Variants in MTHFD1L observed in about 807,000 individuals in gnomAD.
MTHFD1L encodes the protein monofunctional C1-tetrahydrofolate synthase, mitochondrial.
Under a neutral mutation model 119.5 loss-of-function variants are expected in MTHFD1L, and 81 were observed. The observed-to-expected ratio is 0.68, with a 90% confidence interval of 0.57 to 0.82. The LOEUF is 0.82. Ranked by LOEUF, MTHFD1L falls within the 40% of genes least tolerant of loss-of-function variation. The pLI is 0.00. For synonymous variants in MTHFD1L, 430 were observed against 475.2 expected, an observed-to-expected ratio of 0.90 and a Z score of 1.24; for missense variants, 1,125 against 1,253.4, an observed-to-expected ratio of 0.90 and a Z score of 1.55.
At chr6:150,867,955 G>A (rs1778711199) in intron 1 of MTHFD1L, among the ~76,000 whole-genome samples, 1 of 151,780 alleles carries the variant, frequency 6.6e-6, no homozygotes. Flanking sequence ...ACGCCACCAC[G>A]CCCGGCTAAT....
intron 20 of MTHFD1L, among the ~76,000 whole-genome samples, chr6:150,991,512 A>T (rs476576): frequency 0.54 from 81,459 of 152,074 alleles, 23,041 homozygotes; most frequent in African/African-American, 0.7. Flanking sequence ...ACACTTTGTG[A>T]TTTGGCATTC....
At chr6:150,950,777 C>A (rs915322800) in intron 16 of MTHFD1L, among the ~76,000 whole-genome samples, 2 of 152,186 alleles carry the variant, frequency 1.3e-5, no homozygotes, top group Admixed American at 6.5e-5. Context: ...TCAGTCGATT[C>A]TCTTGCCTCA....
intron 7 of MTHFD1L, among the ~76,000 whole-genome samples, chr6:150,890,996 GT>G (rs1783158138): frequency 6.6e-6 from 1 of 152,066 alleles, no homozygotes; most frequent in African/African-American, 2.4e-5. Flanking sequence ...TTGTTTGTTT[GT>G]TTTTTTGAGA....
At chr6:150,984,826 T>C (rs1412324069) in intron 20 of MTHFD1L, among the ~76,000 whole-genome samples, 3 of 152,218 alleles carry the variant, frequency 2.0e-5, no homozygotes, top group Admixed American at 1.3e-4. Context: ...TTAAATTGCA[T>C]TTTGATGCCA....
At chr6:150,922,003 G>T (rs1237857054) in intron 9 of MTHFD1L, among the ~76,000 whole-genome samples, 1 of 152,178 alleles carries the variant, frequency 6.6e-6, no homozygotes, top group African/African-American at 2.4e-5. Flanking sequence ...TATCTAACTA[G>T]TGGTTTTCAC....
At chr6:150,978,657 C>A (rs984952657) in intron 20 of MTHFD1L, among the ~76,000 whole-genome samples, 9 of 152,066 alleles carry the variant, frequency 5.9e-5, no homozygotes, top group Non-Finnish European at 1.2e-4. Context: ...TTAAAAACGC[C>A]CCCGTTTCTG....
intron 20 of MTHFD1L, among the ~76,000 whole-genome samples, chr6:150,974,652 G>A (rs865989160): frequency 1.4e-4 from 22 of 151,804 alleles, no homozygotes; most frequent in African/African-American, 5.1e-4. Flanking sequence ...GTCCTTCTGT[G>A]ACTGACTTAT....
chr6:150,916,220 G>A (rs538990378), intron 8 of MTHFD1L, among the ~76,000 whole-genome samples: 132 of 150,886 alleles, frequency 8.7e-4, no homozygotes, highest in African/African-American at 3.0e-3. Flanking sequence ...AAGGGAGGAT[G>A]CAGGCTAAAG....
At chr6:151,101,116 G>A (rs1260848985) in intron 27 of MTHFD1L, among the ~76,000 whole-genome samples, 1 of 151,764 alleles carries the variant, frequency 6.6e-6, no homozygotes, top group African/African-American at 2.4e-5. Context: ...CCGAGATCTC[G>A]CCACTACACT....
At chr6:150,947,496 CCAAGA>C (rs1794177638) in intron 15 of MTHFD1L, among the ~76,000 whole-genome samples, 1 of 151,986 alleles carries the variant, frequency 6.6e-6, no homozygotes, top group Non-Finnish European at 1.5e-5. Flanking sequence ...CTTTGGGAGG[CCAAGA>C]CAAGAGGATT....
At chr6:151,034,019 T>G (rs998289572) in intron 24 of MTHFD1L, among the ~76,000 whole-genome samples, 2 of 151,658 alleles carry the variant, frequency 1.3e-5, no homozygotes, top group African/African-American at 4.8e-5. Context: ...CTACAAAAAA[T>G]GCAGAAAAAA....
chr6:151,062,718 G>T (rs929117275), intron 26 of MTHFD1L, among the ~76,000 whole-genome samples: 1 of 152,140 alleles, frequency 6.6e-6, no homozygotes, highest in African/African-American at 2.4e-5. Flanking sequence ...TCTGGTAAAA[G>T]ATAAAGTGAA....
At chr6:150,977,079 G>T (rs1935076952) in intron 20 of MTHFD1L, among the ~76,000 whole-genome samples, 2 of 152,274 alleles carry the variant, frequency 1.3e-5, no homozygotes, top group Middle Eastern at 3.4e-3. Context: ...AATAAGACAG[G>T]TTTCTTGCCC....
At chr6:151,003,096 C>T (rs1458522735) in intron 20 of MTHFD1L, among the ~76,000 whole-genome samples, 4 of 152,126 alleles carry the variant, frequency 2.6e-5, no homozygotes, top group Non-Finnish European at 5.9e-5. Context: ...TCTGTGAATG[C>T]ACTAAAGCAT....
intron 11 of MTHFD1L, chr6:150,934,982 A>C: frequency 1.3e-6 from 2 of 1,555,426 alleles, no homozygotes; most frequent in South Asian, 2.5e-5. Flanking sequence ...GGAATGGGCT[A>C]TCAGACCAGA....
intron 26 of MTHFD1L, among the ~76,000 whole-genome samples, chr6:151,063,594 T>C (rs1790885830): frequency 6.6e-6 from 1 of 152,238 alleles, no homozygotes; most frequent in East Asian, 1.9e-4. Flanking sequence ...GCGGTTTGCT[T>C]ATTTCCCTGT....
chr6:151,096,308 C>T (rs1468154477), intron 27 of MTHFD1L, among the ~76,000 whole-genome samples: 1 of 152,188 alleles, frequency 6.6e-6, no homozygotes, highest in Non-Finnish European at 1.5e-5. Context: ...ACCCACCCCC[C>T]AATCCAAGGC....
At chr6:151,036,810 G>A (rs1379961793) in intron 25 of MTHFD1L, among the ~76,000 whole-genome samples, 155 bp from the exon 26 acceptor site, 3 of 152,268 alleles carry the variant, frequency 2.0e-5, no homozygotes, top group East Asian at 3.9e-4. Context: ...TCACCTTCTT[G>A]CTTCTTCAGT....
Position 151,058,665 on chromosome 6 carries a change from A to G in MTHFD1L, c.2847+21548A>G, listed in dbSNP as rs563671609. Among the ~76,000 whole-genome samples, 7 of 152,302 alleles carry G rather than the reference A, an allele frequency of 4.6e-5. No individual in the cohort carries two copies. The East Asian group carries it at 1.4e-3, about 29-fold the overall frequency. The stretch of plus-strand genomic sequence containing the variant: ...AGGGCCCACGCCACCCTCCTTTTCA[A>G]GGACTCCTGCCCCTGCCTGAGTGGC... On this transcript the variant is annotated intron_variant, in intron 26 of 27. Transcript: ENST00000367321.
Sources: gnomAD v4.1 joint callset for allele counts (sites outside exome capture counted in the v4.1 genomes callset) on GRCh38, gnomAD v4.1.1 for gene constraint, MANE v1.5 for transcripts, NCBI Gene and HGNC (gene_info 2026-07-23, HGNC 2026-07-21) for gene names.